CFAP299: variants seen among roughly 807,000 people sequenced by gnomAD.
The protein encoded by CFAP299 is cilia- and flagella-associated protein 299.
In CFAP299, 21 loss-of-function variants were observed where a neutral mutation model predicts 27.0. That is an observed-to-expected ratio of 0.78 (90% CI 0.55 to 1.12). The LOEUF (loss-of-function observed/expected upper bound fraction) is 1.12. CFAP299 is among the 50% of genes most tolerant of loss of function. The pLI, the probability that CFAP299 is intolerant of heterozygous loss-of-function variation, is 0.00. For synonymous variants in CFAP299, 104 were observed against 98.1 expected, an observed-to-expected ratio of 1.06 and a Z score of -0.36; for missense variants, 310 against 276.6, an observed-to-expected ratio of 1.12 and a Z score of -0.86.
chr4:80,442,268 A>C (rs1235377088), intron 2 of CFAP299, among the ~76,000 whole-genome samples: 1 of 152,196 alleles, frequency 6.6e-6, no homozygotes, highest in Non-Finnish European at 1.5e-5. Context: ...TCTTAGCACC[A>C]CATAGCACTT....
chr4:80,587,087 A>G (rs771680480), intron 3 of CFAP299, among the ~76,000 whole-genome samples: 9 of 152,164 alleles, frequency 5.9e-5, no homozygotes, highest in African/African-American at 9.7e-5. Flanking sequence ...TGCTGACATG[A>G]TCTTTTCCCT....
chr4:80,387,598 G>T, intron 2 of CFAP299: 2 of 1,204,146 alleles, frequency 1.7e-6, no homozygotes, highest in South Asian at 2.4e-5. Context: ...TACAGTCACA[G>T]AGTTTCGAGA....
At chr4:80,501,150 T>C (rs1731721600) in intron 2 of CFAP299, among the ~76,000 whole-genome samples, 1 of 152,046 alleles carries the variant, frequency 6.6e-6, no homozygotes, top group South Asian at 2.1e-4. Context: ...GTTTACAAGG[T>C]AACTTGAGTA....
intron 2 of CFAP299, among the ~76,000 whole-genome samples, chr4:80,464,243 A>T (rs1729602010): frequency 1.3e-5 from 2 of 152,196 alleles, no homozygotes; most frequent in African/African-American, 4.8e-5. Context: ...ATATTTACTT[A>T]CATTGCTAGG....
At chr4:80,779,459 G>C (rs1450940635) in intron 3 of CFAP299, among the ~76,000 whole-genome samples, 1 of 152,162 alleles carries the variant, frequency 6.6e-6, no homozygotes, top group African/African-American at 2.4e-5. Flanking sequence ...CAAGTCACCT[G>C]TCTAGCACAG....
intron 4 of CFAP299, among the ~76,000 whole-genome samples, chr4:80,904,410 G>T (rs557138938): frequency 6.6e-6 from 1 of 152,242 alleles, no homozygotes; most frequent in Non-Finnish European, 1.5e-5. Flanking sequence ...TAGTCAGATT[G>T]GCAGTTGGGA....
At chr4:80,431,366 T>TCC (rs71664805) in intron 2 of CFAP299, among the ~76,000 whole-genome samples, 2 of 144,714 alleles carry the variant, frequency 1.4e-5, no homozygotes, top group Admixed American at 7.0e-5. Flanking sequence ...CCTCCATCTC[T>TCC]CCCCCCTTCC....
intron 4 of CFAP299, among the ~76,000 whole-genome samples, chr4:80,908,900 G>A (rs940075907): frequency 2.6e-5 from 4 of 151,400 alleles, no homozygotes; most frequent in Admixed American, 6.6e-5. Flanking sequence ...ACACATACAC[G>A]CAAGCACACA....
At chr4:80,673,392 T>G (rs1369590175) in intron 3 of CFAP299, among the ~76,000 whole-genome samples, 1 of 152,182 alleles carries the variant, frequency 6.6e-6, no homozygotes. Flanking sequence ...TTATAATTTC[T>G]GTTCTTTTAC....
chr4:80,609,264 C>G (rs1044774033), intron 3 of CFAP299, among the ~76,000 whole-genome samples: 17 of 152,014 alleles, frequency 1.1e-4, no homozygotes, highest in Non-Finnish European at 2.4e-4. Flanking sequence ...AGCAAAACTT[C>G]CAGTTAAGTC....
At chr4:80,581,453 G>GAT (rs70944794) in intron 2 of CFAP299, among the ~76,000 whole-genome samples, 1,153 of 102,856 alleles carry the variant, frequency 0.011, 38 homozygotes, top group African/African-American at 0.03. Flanking sequence ...TATTAAGTGA[G>GAT]ATATATATAT....
chr4:80,551,186 G>A (rs781755610), intron 2 of CFAP299, among the ~76,000 whole-genome samples: 1 of 152,126 alleles, frequency 6.6e-6, no homozygotes. Flanking sequence ...CATATAGTAA[G>A]TGTAGCTTTG....
At chr4:80,868,905 C>CTGTGTGTGTGTG (rs1184951626) in intron 3 of CFAP299, among the ~76,000 whole-genome samples, 4 of 137,680 alleles carry the variant, frequency 2.9e-5, no homozygotes, top group Non-Finnish European at 4.7e-5. Context: ...GCTTCTCTCT[C>CTGTGTGTGTGTG]TGTGTGTGTG....
At chr4:80,625,310 TTG>T (rs1192644691) in intron 3 of CFAP299, among the ~76,000 whole-genome samples, 1 of 152,012 alleles carries the variant, frequency 6.6e-6, no homozygotes, top group East Asian at 1.9e-4. Flanking sequence ...CAAAGTTAAG[TTG>T]TTTTCAGCTT....
chr4:80,390,688 T>C (rs1309138195), intron 2 of CFAP299, among the ~76,000 whole-genome samples: 8 of 144,352 alleles, frequency 5.5e-5, no homozygotes, highest in African/African-American at 1.0e-4. Flanking sequence ...TATACACACA[T>C]ATATGTGTAT....
chr4:80,460,391 A>C (rs1729380417), intron 2 of CFAP299, among the ~76,000 whole-genome samples: 1 of 152,168 alleles, frequency 6.6e-6, no homozygotes, highest in Non-Finnish European at 1.5e-5. Context: ...CTAAATAGCT[A>C]TCTTGAAATA....
chr4:80,544,611 A>C (rs1734146483), intron 2 of CFAP299, among the ~76,000 whole-genome samples: 1 of 152,208 alleles, frequency 6.6e-6, no homozygotes. Flanking sequence ...AATGATCAAA[A>C]AGGACAAAGA....
chr4:80,493,913 C>T (rs1297043373), intron 2 of CFAP299, among the ~76,000 whole-genome samples: 1 of 150,956 alleles, frequency 6.6e-6, no homozygotes. Flanking sequence ...GTAGCTGGGA[C>T]TACAGGCGCC....
intron 3 of CFAP299, among the ~76,000 whole-genome samples, chr4:80,670,657 C>A (rs1741423699): frequency 6.6e-6 from 1 of 152,154 alleles, no homozygotes; most frequent in South Asian, 2.1e-4. Context: ...TCTGTTGTTT[C>A]CTGAATTTTT....
Sources: allele counts gnomAD v4.1 joint callset (sites outside exome capture counted in the v4.1 genomes callset), GRCh38; gene constraint gnomAD v4.1.1; transcripts MANE v1.5; gene names NCBI Gene and HGNC (gene_info 2026-07-23, HGNC 2026-07-21).